Variants in STK33 observed in about 807,000 individuals in gnomAD.
The protein encoded by STK33 is serine/threonine kinase 33, also known as serine/threonine-protein kinase 33.
STK33 carries 52 observed loss-of-function variants against 58.0 expected under a neutral mutation model. That is an observed-to-expected ratio of 0.90 (90% CI 0.72 to 1.13). The LOEUF is 1.13. Ranked by LOEUF, STK33 falls within the 50% of genes most tolerant of loss-of-function variation. STK33 has a pLI of 0.00. For synonymous variants in STK33, 215 were observed against 200.1 expected, an observed-to-expected ratio of 1.07 and a Z score of -0.63; for missense variants, 630 against 604.2, an observed-to-expected ratio of 1.04 and a Z score of -0.45.
the STK33 span, among the ~76,000 whole-genome samples, chr11:8,369,295 CTG>C: frequency 0.11 from 15,784 of 137,634 alleles, 883 homozygotes; most frequent in East Asian, 0.13. Flanking sequence ...GGTTTTTACT[CTG>C]TGTGTGTGTG....
the STK33 span, among the ~76,000 whole-genome samples, chr11:8,372,867 C>G: frequency 6.6e-6 from 1 of 152,242 alleles, no homozygotes; most frequent in Non-Finnish European, 1.5e-5. Context: ...TGCCACTGAC[C>G]AGCCTCTCTG....
At chr11:8,423,550 T>C (rs534081000) in intron 14 of STK33, among the ~76,000 whole-genome samples, 76 of 152,208 alleles carry the variant, frequency 5.0e-4, no homozygotes, top group Non-Finnish European at 8.7e-4. Flanking sequence ...TTTAATCTTG[T>C]TGTTTACTGG....
chr11:8,346,582 G>T, the STK33 span, among the ~76,000 whole-genome samples: 1 of 152,308 alleles, frequency 6.6e-6, no homozygotes, highest in Middle Eastern at 3.4e-3. Flanking sequence ...GTGAGGAAAG[G>T]CCCGGCTTCC....
chr11:8,423,299 G>T (rs1942223442), intron 14 of STK33, among the ~76,000 whole-genome samples: 1 of 150,352 alleles, frequency 6.7e-6, no homozygotes, highest in African/African-American at 2.4e-5. Flanking sequence ...ACTTTATTTG[G>T]TTTTACTCTG....
intron 1 of STK33, among the ~76,000 whole-genome samples, chr11:8,516,514 C>A (rs562495881): frequency 1.3e-5 from 2 of 152,134 alleles, no homozygotes; most frequent in South Asian, 2.1e-4. Context: ...GAGGGTGCAG[C>A]CCACGGAGCA....
chr11:8,337,644 G>A, the STK33 span, among the ~76,000 whole-genome samples: 7 of 114,482 alleles, frequency 6.1e-5, no homozygotes, highest in African/African-American at 1.1e-4. Context: ...ACGGCGGGGG[G>A]CGGGGGGGGG....
At chr11:8,490,657 C>T (rs1162676324) in intron 1 of STK33, among the ~76,000 whole-genome samples, 2 of 152,274 alleles carry the variant, frequency 1.3e-5, no homozygotes, top group African/African-American at 4.8e-5. Flanking sequence ...CTGGAGACAC[C>T]TTCCAGTAGG....
At chr11:8,584,111 A>G (rs1010905530) in intron 1 of STK33, among the ~76,000 whole-genome samples, 8 of 25,634 alleles carry the variant, frequency 3.1e-4, no homozygotes, top group African/African-American at 9.8e-4. Flanking sequence ...AATTTAGATG[A>G]AAAAAAAAAA....
chr11:8,403,583 CT>C (rs1288357177), intron 15 of STK33, among the ~76,000 whole-genome samples: 11 of 152,218 alleles, frequency 7.2e-5, no homozygotes, highest in African/African-American at 2.4e-4. Flanking sequence ...TTCTTCATCT[CT>C]GGCAAATTCT....
At chr11:8,379,051 C>A in the STK33 span, among the ~76,000 whole-genome samples, 3 of 152,104 alleles carry the variant, frequency 2.0e-5, no homozygotes, top group Non-Finnish European at 4.4e-5. Context: ...GGAAAGGAGA[C>A]CCTATCTAAT....
intron 1 of STK33, among the ~76,000 whole-genome samples, chr11:8,517,528 TAAC>T (rs1952915369): frequency 6.6e-6 from 1 of 152,050 alleles, no homozygotes; most frequent in Non-Finnish European, 1.5e-5. Flanking sequence ...CGATCGGTAA[TAAC>T]AAACTTCTCC....
intron 1 of STK33, among the ~76,000 whole-genome samples, chr11:8,510,206 G>C (rs1459401987): frequency 6.6e-6 from 1 of 151,362 alleles, no homozygotes; most frequent in East Asian, 1.9e-4. Flanking sequence ...TCTTGCAGGA[G>C]TAAGGTATCT....
intron 1 of STK33, among the ~76,000 whole-genome samples, chr11:8,584,120 A>G (rs1029369154): frequency 6.6e-6 from 1 of 151,776 alleles, no homozygotes; most frequent in East Asian, 1.9e-4. Flanking sequence ...GAAAAAAAAA[A>G]AAAAAAAGAA....
chr11:8,366,984 G>A, the STK33 span, among the ~76,000 whole-genome samples: 2 of 152,222 alleles, frequency 1.3e-5, no homozygotes, highest in African/African-American at 4.8e-5. Flanking sequence ...ACACATGTGT[G>A]CAAGTGTATT....
chr11:8,372,945 G>A, the STK33 span, among the ~76,000 whole-genome samples: 7 of 152,170 alleles, frequency 4.6e-5, no homozygotes, highest in African/African-American at 1.2e-4. Flanking sequence ...AGACCCTAAA[G>A]GTCAGCTTGG....
intron 1 of STK33, among the ~76,000 whole-genome samples, chr11:8,583,904 T>C (rs557305333): frequency 5.9e-5 from 9 of 152,112 alleles, no homozygotes; most frequent in African/African-American, 1.9e-4. Context: ...AGAGATAATA[T>C]GGGACTAAGG....
chr11:8,434,786 C>A (rs2136238474), intron 14 of STK33, among the ~76,000 whole-genome samples: 2 of 152,302 alleles, frequency 1.3e-5, no homozygotes, highest in South Asian at 4.1e-4. Flanking sequence ...ATTGCACCCA[C>A]TTCGACTTGC....
At chr11:8,392,777 G>A in intron 15 of STK33, 67 bp from the exon 16 acceptor site, 3 of 1,533,156 alleles carry the variant, frequency 2.0e-6, no homozygotes, top group Non-Finnish European at 2.7e-6. Context: ...AAGATGCAAG[G>A]AACTACAAAG....
At chr11:8,452,037 T>C (rs1327776656) in intron 11 of STK33, among the ~76,000 whole-genome samples, 1 of 152,076 alleles carries the variant, frequency 6.6e-6, no homozygotes, top group Non-Finnish European at 1.5e-5. Flanking sequence ...AACCTGTCTC[T>C]ACTAAAAATA....
Sources: gnomAD v4.1 joint callset for allele counts (sites outside exome capture counted in the v4.1 genomes callset) on GRCh38, gnomAD v4.1.1 for gene constraint, MANE v1.5 for transcripts, NCBI Gene and HGNC (gene_info 2026-07-23, HGNC 2026-07-21) for gene names.